Variants in CLYBL observed in about 807,000 individuals in gnomAD.
CLYBL encodes citramalyl-CoA lyase, mitochondrial.
CLYBL carries 31 observed loss-of-function variants against 38.9 expected under a neutral mutation model. That is an observed-to-expected ratio of 0.80 (90% CI 0.60 to 1.08). CLYBL has a LOEUF of 1.08. Ranked by LOEUF, CLYBL falls within the 50% of genes least tolerant of loss-of-function variation. CLYBL has a pLI of 0.00. For synonymous variants in CLYBL, 171 were observed against 158.6 expected (o/e 1.08, Z -0.59); for missense variants, 434 against 411.6 (o/e 1.05, Z -0.47).
intron 1 of CLYBL, among the ~76,000 whole-genome samples, chr13:99,646,117 A>AT (rs772389592): frequency 2.2e-4 from 33 of 152,034 alleles, no homozygotes; most frequent in Non-Finnish European, 3.8e-4. Flanking sequence ...CATTTGTGAC[A>AT]TTTTTTCCAT....
chr13:99,743,494 T>A (rs1040551572), intron 1 of CLYBL, among the ~76,000 whole-genome samples: 2 of 152,234 alleles, frequency 1.3e-5, no homozygotes, highest in Non-Finnish European at 2.9e-5. Flanking sequence ...TCTAAGGTAT[T>A]CTGGCCATTC....
rs1182011865 is a variant in CLYBL at position 99,633,165 on chromosome 13, C to G, written c.62+26408C>G. ...GGCAGAGGTTGCAGTGAGCCGAGAT[C>G]ATACCAGTGCACTCCAGCCTGGGCA... On this transcript the variant is annotated intron_variant, in intron 1 of 8. Transcript: ENST00000339105. 2.5e-5 allele frequency among the ~76,000 whole-genome samples: 3 copies of G among 119,116 alleles called. No individual in the cohort carries two copies. The South Asian group carries it at 9.2e-4, about 37-fold the overall frequency. 78.1% of individuals were successfully genotyped at this position (119,116 alleles called of 152,430 possible).
At chr13:99,831,587 A>ATAAT (rs1357738972) in intron 2 of CLYBL, among the ~76,000 whole-genome samples, 8 of 152,192 alleles carry the variant, frequency 5.3e-5, no homozygotes, top group Non-Finnish European at 7.4e-5. Flanking sequence ...AAATAAATAA[A>ATAAT]ATAACTCTAT....
At chr13:99,728,958 G>A (rs1302962864) in intron 1 of CLYBL, among the ~76,000 whole-genome samples, 1 of 152,194 alleles carries the variant, frequency 6.6e-6, no homozygotes, top group East Asian at 1.9e-4. Context: ...CAAGACAGTT[G>A]TTCCTTCTGC....
At chr13:99,783,638 A>ATAGCAGAGATGGG (rs1259375325) in intron 2 of CLYBL, among the ~76,000 whole-genome samples, 7 of 151,436 alleles carry the variant, frequency 4.6e-5, no homozygotes, top group African/African-American at 1.7e-4. Context: ...TTGTATTTTT[A>ATAGCAGAGATGGG]GTTTCACCTT....
chr13:99,672,513 C>G (rs1169958563), intron 1 of CLYBL, among the ~76,000 whole-genome samples: 1 of 152,008 alleles, frequency 6.6e-6, no homozygotes, highest in Non-Finnish European at 1.5e-5. Context: ...GTGGCTCACA[C>G]CGATAATTCC....
At chr13:99,616,143 C>CT (rs34142988) in intron 1 of CLYBL, among the ~76,000 whole-genome samples, 26,962 of 83,616 alleles carry the variant, frequency 0.32, 4,509 homozygotes, top group Non-Finnish European at 0.42. Context: ...CCACGCCTGG[C>CT]TTTTTTTTTT....
At chr13:99,836,215 G>A (rs1465776228) in intron 2 of CLYBL, among the ~76,000 whole-genome samples, 1 of 152,138 alleles carries the variant, frequency 6.6e-6, no homozygotes, top group African/African-American at 2.4e-5. Context: ...GACTCTGCCA[G>A]GGGGAGCGTT....
chr13:99,884,668 A>G lies in CLYBL; in HGVS notation c.928-6650A>G, dbSNP rs148845351. Among the ~76,000 whole-genome samples, 69 of 152,298 alleles carry G rather than the reference A, an allele frequency of 4.5e-4. 1 individual carries two copies. The East Asian group carries it at 9.6e-3, about 21-fold the overall frequency. ...CATCTGCCTTGTTGCCTGCTGTCGTAAGTCCCTGGGCCTGTGGCACGCCAG... is the reference window on the plus strand; with the variant it reads ...CATCTGCCTTGTTGCCTGCTGTCGTGAGTCCCTGGGCCTGTGGCACGCCAG... On this transcript the variant is annotated intron_variant, in intron 7 of 8. Coordinates refer to ENST00000339105, the MANE Select transcript of CLYBL (RefSeq NM_206808.5).
chr13:99,886,577 G>C (rs970003248), intron 7 of CLYBL, among the ~76,000 whole-genome samples: 2 of 152,252 alleles, frequency 1.3e-5, no homozygotes, highest in Non-Finnish European at 2.9e-5. Context: ...CAATTGACCA[G>C]TGATTTATTA....
chr13:99,835,868 A>G (rs1414034366), intron 2 of CLYBL, among the ~76,000 whole-genome samples: 4 of 152,286 alleles, frequency 2.6e-5, no homozygotes, highest in African/African-American at 7.2e-5. Flanking sequence ...TGCACAGTTA[A>G]CCAGGAAGTC....
chr13:99,799,244 C>G (rs1333584005), intron 2 of CLYBL, among the ~76,000 whole-genome samples: 1 of 152,040 alleles, frequency 6.6e-6, no homozygotes. Flanking sequence ...AGAACTTTGA[C>G]ATTTATTTAA....
intron 2 of CLYBL, among the ~76,000 whole-genome samples, chr13:99,838,669 G>A (rs1357885925): frequency 6.6e-6 from 1 of 152,050 alleles, no homozygotes; most frequent in South Asian, 2.1e-4. Context: ...GGAGTCTCAT[G>A]CTGTCACCCA....
intron 1 of CLYBL, among the ~76,000 whole-genome samples, chr13:99,632,444 A>G (rs1566593785): frequency 6.6e-6 from 1 of 152,224 alleles, no homozygotes. Flanking sequence ...CCAGTGTCCT[A>G]TCAGAAACCA....
At chr13:99,784,816 A>G (rs1391695728) in intron 2 of CLYBL, among the ~76,000 whole-genome samples, 2 of 152,128 alleles carry the variant, frequency 1.3e-5, no homozygotes, top group Non-Finnish European at 2.9e-5. Context: ...GTTGAAATGT[A>G]TCTATTTTTA....
At chr13:99,784,362 T>A (rs2049731484) in intron 2 of CLYBL, among the ~76,000 whole-genome samples, 1 of 152,044 alleles carries the variant, frequency 6.6e-6, no homozygotes, top group Admixed American at 6.6e-5. Flanking sequence ...ATATAGGTAT[T>A]TGATTCCCCG....
At chr13:99,866,716 A>C (rs891325270) in intron 6 of CLYBL, among the ~76,000 whole-genome samples, 5 of 151,956 alleles carry the variant, frequency 3.3e-5, no homozygotes, top group African/African-American at 1.2e-4. Flanking sequence ...AGGCTGCTCA[A>C]AAAGTGTTTT....
intron 1 of CLYBL, among the ~76,000 whole-genome samples, chr13:99,721,082 C>T (rs1038820074): frequency 1.3e-5 from 2 of 151,250 alleles, no homozygotes; most frequent in Non-Finnish European, 2.9e-5. Context: ...TCACTCTTGC[C>T]GCCCAGGCTG....
intron 1 of CLYBL, among the ~76,000 whole-genome samples, chr13:99,711,500 G>T (rs747458960): frequency 7.0e-6 from 1 of 143,502 alleles, no homozygotes; most frequent in Non-Finnish European, 1.5e-5. Context: ...TCCACTTCCC[G>T]GGTTCAAGCG....
Sources: gnomAD v4.1 joint callset for allele counts (sites outside exome capture counted in the v4.1 genomes callset) on GRCh38, gnomAD v4.1.1 for gene constraint, MANE v1.5 for transcripts, NCBI Gene and HGNC (gene_info 2026-07-23, HGNC 2026-07-21) for gene names.